PDXDC1: variants seen among roughly 807,000 people sequenced by gnomAD.
PDXDC1 encodes pyridoxal-dependent decarboxylase domain-containing protein 1.
PDXDC1 carries 42 observed loss-of-function variants against 100.1 expected under a neutral mutation model. The ratio of observed to expected loss-of-function variants is 0.42; its 90% CI spans 0.33 to 0.54. PDXDC1 has a LOEUF of 0.54. Among genes scored for constraint, PDXDC1 ranks in the 20% least tolerant of loss-of-function variants. The probability of loss-of-function intolerance (pLI) is 0.10; values close to 1 mark genes in which losing one functional copy is unlikely to be tolerated. For missense variants in PDXDC1, 636 were observed against 979.2 expected (o/e 0.65, Z 4.68); for synonymous variants, 260 against 371.7 (o/e 0.70, Z 3.46).
At chr16:15,067,240 G>T (rs554038979) in intron 16 of PDXDC1, among the ~76,000 whole-genome samples, 1 of 151,578 alleles carries the variant, frequency 6.6e-6, no homozygotes, top group African/African-American at 2.4e-5. Flanking sequence ...GCTATGATCC[G>T]GCCTAAATAT....
At chr16:14,983,845 G>T (rs1205759257) in intron 1 of PDXDC1, among the ~76,000 whole-genome samples, 3 of 152,262 alleles carry the variant, frequency 2.0e-5, no homozygotes, top group African/African-American at 7.2e-5. Context: ...TGTATATAGT[G>T]ATATTACCAC....
intron 16 of PDXDC1, among the ~76,000 whole-genome samples, chr16:15,071,792 C>CA (rs1597907509): frequency 6.6e-6 from 1 of 151,964 alleles, no homozygotes; most frequent in African/African-American, 2.4e-5. Context: ...CAAAAAACAA[C>CA]AAAAAATTCA....
intron 16 of PDXDC1, among the ~76,000 whole-genome samples, chr16:15,101,901 T>A (rs939599184): frequency 1.3e-4 from 20 of 151,744 alleles, no homozygotes; most frequent in African/African-American, 4.8e-4. Context: ...CAGGCTGGAC[T>A]GCAATGGCGT....
intron 16 of PDXDC1, chr16:15,109,126 T>A (rs1384602092): frequency 6.8e-6 from 1 of 147,728 alleles, no homozygotes; most frequent in Non-Finnish European, 1.5e-5. Flanking sequence ...GCTAAATATT[T>A]TTTAACAAGT....
At chr16:15,023,140 T>A (rs1341302425) in intron 13 of PDXDC1, among the ~76,000 whole-genome samples, 1 of 152,294 alleles carries the variant, frequency 6.6e-6, no homozygotes, top group Non-Finnish European at 1.5e-5. Context: ...GGGTTCTCTT[T>A]CTGCAACCTT....
At chr16:15,067,699 C>G (rs1338680034) in intron 16 of PDXDC1, among the ~76,000 whole-genome samples, 3 of 151,760 alleles carry the variant, frequency 2.0e-5, no homozygotes, top group South Asian at 2.1e-4. Flanking sequence ...TAGTAATTTC[C>G]AACGCCATCA....
chr16:15,034,016 TC>T, intron 19 of PDXDC1: 1 of 544,750 alleles, frequency 1.8e-6, no homozygotes, highest in Non-Finnish European at 3.3e-6. Flanking sequence ...CTGGGTGGAC[TC>T]CTTAAGGTTT....
intron 16 of PDXDC1, among the ~76,000 whole-genome samples, chr16:15,062,189 C>T (rs928304717): frequency 2.0e-5 from 3 of 152,130 alleles, no homozygotes; most frequent in Non-Finnish European, 4.4e-5. Context: ...CTGATAAGCA[C>T]TTCCTTCTTA....
At position 15,093,902 on chromosome 16, in the gene PDXDC1, G is replaced by A. The variant is rs1285949264; in HGVS notation, c.1400-44977G>A. ...GCAGTACCCAGGCCTGGGAAATCAC[G>A]AAGAGACACAGTCGGGAAAGGGGGC... On this transcript the variant is annotated intron_variant, in intron 16 of 16. Transcript: ENST00000535621. 60 of 531,768 alleles carry A rather than the reference G, an allele frequency of 1.1e-4. No homozygotes were observed. In the Middle Eastern group the frequency reaches 1.4e-3, roughly 13 times the overall value. 32.9% of individuals were successfully genotyped at this position (531,768 alleles called of 1,614,324 possible). A position where few individuals can be genotyped will look rare whatever the true frequency, so the allele number is the denominator to read the frequency against.
intron 16 of PDXDC1, among the ~76,000 whole-genome samples, chr16:15,087,855 C>T (rs1166826418): frequency 6.6e-6 from 1 of 152,184 alleles, no homozygotes; most frequent in African/African-American, 2.4e-5. Context: ...TAGCTCATGT[C>T]TGTAATCCCA....
chr16:15,067,248 T>C (rs1001171493), intron 16 of PDXDC1, among the ~76,000 whole-genome samples: 2 of 151,646 alleles, frequency 1.3e-5, no homozygotes, highest in Non-Finnish European at 2.9e-5. Flanking sequence ...CCGGCCTAAA[T>C]ATCCTCATTG....
Position 15,130,441 on chromosome 16 carries a change from C to G in PDXDC1, c.1400-8438C>G, listed in dbSNP as rs577865104. The stretch of plus-strand genomic sequence containing the variant: ...GAGAGGTTCAGACGGTAACTCCCCA[C>G]TGGGTCTCTGGTCCTGGGCAGGGAA... On this transcript the variant is annotated intron_variant, in intron 16 of 16. Coordinates refer to the PDXDC1 transcript ENST00000535621. 1.4e-5 allele frequency: 21 copies of G among 1,476,332 alleles called. No homozygotes were observed. The East Asian group carries it at 4.6e-4, about 32-fold the overall frequency. 91.5% of individuals were successfully genotyped at this position (1,476,332 alleles called of 1,614,324 possible). A position where few individuals can be genotyped will look rare whatever the true frequency, so the allele number is the denominator to read the frequency against.
intron 16 of PDXDC1, among the ~76,000 whole-genome samples, chr16:15,102,614 G>T (rs1008264305): frequency 1.3e-5 from 2 of 151,420 alleles, no homozygotes; most frequent in East Asian, 1.9e-4. Flanking sequence ...GCATGGTGGG[G>T]CCAAAGGAAT....
intron 16 of PDXDC1, among the ~76,000 whole-genome samples, chr16:15,069,618 C>A (rs2045136911): frequency 6.6e-6 from 1 of 152,196 alleles, no homozygotes; most frequent in South Asian, 2.1e-4. Context: ...CTTCAGTTTT[C>A]TAATCCTGCC....
At position 15,032,649 on chromosome 16, in the gene PDXDC1, G is replaced by C. The variant is rs538847686; in HGVS notation, c.1572-212G>C. ...AGCCTGGGCCACCAAGTGAGACCCT[G>C]CTTTAAAAAAAAAAAAAAAAGGCTT... On this transcript the variant is annotated intron_variant, in intron 17 of 22. Transcript: ENST00000396410. 3.4e-3 allele frequency: 1,009 copies of C among 299,694 alleles called. 12 individuals are homozygous for C. Among genetic ancestry groups the C allele is most frequent in the Non-Finnish European group, 4.9e-3 (857 of 175,022 alleles). The allele number at this position is 299,694 out of a possible 1,614,324, so 18.6% of individuals were successfully genotyped here. A position where few individuals can be genotyped will look rare whatever the true frequency, so the allele number is the denominator to read the frequency against.
At chr16:14,976,912 G>A (rs1157541589) in intron 1 of PDXDC1, 1 of 152,300 alleles carries the variant, frequency 6.6e-6, no homozygotes, top group Admixed American at 6.5e-5. Context: ...AAGGTGGGTG[G>A]GCTTCATGTG....
chr16:15,035,153 C>T (rs947263100), intron 21 of PDXDC1, among the ~76,000 whole-genome samples: 1 of 152,224 alleles, frequency 6.6e-6, no homozygotes, highest in Non-Finnish European at 1.5e-5. Flanking sequence ...ATCTGCCAAG[C>T]CTTAGCCTTC....
Position 15,095,861 on chromosome 16 carries a change from GGTGTGTGT to G in PDXDC1, c.1400-42993_1400-42986del, listed in dbSNP as rs113527217. The stretch of plus-strand genomic sequence containing the variant: ...GAAACTGTGTCTCAAAAAAAAAAAA[GGTGTGTGT>G]GTGTGTGTGTGTGTGTGTGTGTGTT... On this transcript the variant is annotated intron_variant, in intron 16 of 16. Coordinates refer to the PDXDC1 transcript ENST00000535621. Among the ~76,000 whole-genome samples, 229 of 134,400 alleles carry G rather than the reference GGTGTGTGT, an allele frequency of 1.7e-3. 2 individuals carry two copies. The highest frequency in any genetic ancestry group is 5.5e-3 in the African/African-American group (201 of 36,806). The allele number at this position is 134,400 out of a possible 152,430, so 88.2% of individuals were successfully genotyped here.
Position 15,137,665 on chromosome 16 carries a change from A to G in PDXDC1, c.1400-1214A>G, listed in dbSNP as rs369880743. 3.2e-4 allele frequency: 388 copies of G among 1,225,552 alleles called. 6 individuals are homozygous for G. In the East Asian group the frequency reaches 5.5e-3, roughly 18 times the overall value. The allele number at this position is 1,225,552 out of a possible 1,614,324, so 75.9% of individuals were successfully genotyped here. On this transcript the variant is annotated intron_variant, in intron 16 of 16. Transcript: ENST00000535621. ...CTTGGCCCGGAGCCCCCCCCCAGAG[A>G]GGCCTTCCTGAGCCCTGCCCAGTGT...
Sources: allele counts gnomAD v4.1 joint callset (sites outside exome capture counted in the v4.1 genomes callset), GRCh38; gene constraint gnomAD v4.1.1; transcripts MANE v1.5; gene names NCBI Gene and HGNC (gene_info 2026-07-23, HGNC 2026-07-21).